STOX1: variants seen among roughly 807,000 people sequenced by gnomAD.
STOX1 encodes the protein storkhead-box protein 1.
In STOX1, 57 loss-of-function variants were observed where a neutral mutation model predicts 74.8. The observed-to-expected ratio is 0.76, with a 90% CI of 0.62 to 0.95. STOX1 has a LOEUF of 0.95. Ranked by LOEUF, STOX1 falls within the 40% of genes least tolerant of loss-of-function variation. The pLI is 0.00. For synonymous variants in STOX1, 375 were observed against 401.3 expected, an observed-to-expected ratio of 0.93 and a Z score of 0.78; for missense variants, 1,010 against 1,117.0, an observed-to-expected ratio of 0.90 and a Z score of 1.37.
At chr10:68,843,535 G>T (rs758525129) in intron 1 of STOX1, among the ~76,000 whole-genome samples, 2 of 151,698 alleles carry the variant, frequency 1.3e-5, no homozygotes, top group Non-Finnish European at 2.9e-5. Flanking sequence ...TTTGTTACCG[G>T]TTTTTTTGTT....
In STOX1 at chr10:68,885,527, C is replaced by T. The variant is rs1362359565; in HGVS notation, c.1731C>T (p.Asp577=). ...CTACTGTCAAACCCATCAATGATGA[C>T]TTCAGAGGTCACCTCTTCAGTCACC... ...NDPTVKPIND[D]FRGHLFSHPQ... Residue 577 remains aspartate, a synonymous_variant, in exon 3 of 4, where the codon GAC becomes GAT. Coordinates refer to ENST00000298596, the MANE Select transcript of STOX1 (RefSeq NM_152709.5). 6.2e-7 allele frequency: 1 copy of T among 1,614,220 alleles called. No individual in the cohort carries two copies. The highest frequency in any genetic ancestry group is 1.7e-5 in the Admixed American group (1 of 60,024).
chr10:68,846,070 T>C (rs1024831402), intron 1 of STOX1, among the ~76,000 whole-genome samples: 2 of 151,480 alleles, frequency 1.3e-5, no homozygotes, highest in African/African-American at 4.8e-5. Context: ...AAATCTATAA[T>C]GCATTTCATG....
In STOX1 at chr10:68,884,813, T is replaced by G; in HGVS notation, c.1017T>G (p.Pro339=). ...GCAGTTTCTCTGCTCAGTTCCCACC[T>G]GAAGAATGGCCCGTCCGAGATGAAG... The part of the protein sequence containing the change: ...EHSSFSAQFP[P]EEWPVRDEDD... Residue 339 remains proline, a synonymous_variant, in exon 3 of 4, where the codon CCT becomes CCG. Transcript: ENST00000298596. 1 of 1,614,194 alleles carries G rather than the reference T, an allele frequency of 6.2e-7. No individual in the cohort carries two copies. Among genetic ancestry groups the G allele is most frequent in the South Asian group, 1.1e-5 (1 of 91,082 alleles).
intron 1 of STOX1, among the ~76,000 whole-genome samples, chr10:68,841,552 C>T (rs1564570737): frequency 6.6e-6 from 1 of 151,972 alleles, no homozygotes; most frequent in Non-Finnish European, 1.5e-5. Flanking sequence ...TTTCTTAAGT[C>T]ATTAAAAAAA....
intron 1 of STOX1, among the ~76,000 whole-genome samples, chr10:68,877,977 A>G (rs984104555): frequency 5.3e-5 from 8 of 152,150 alleles, no homozygotes; most frequent in African/African-American, 1.7e-4. Context: ...GCCTTGGGGA[A>G]GAAGGATTCT....
At chr10:68,840,541 G>T (rs1839666100) in intron 1 of STOX1, among the ~76,000 whole-genome samples, 1 of 105,932 alleles carries the variant, frequency 9.4e-6, no homozygotes, top group Admixed American at 1.1e-4. Flanking sequence ...ATTAACAGTG[G>T]TTATTTTGTT....
At chr10:68,847,039 C>G (rs1346861931) in intron 1 of STOX1, 3 of 152,174 alleles carry the variant, frequency 2.0e-5, no homozygotes, top group Non-Finnish European at 4.4e-5. Flanking sequence ...AATTCTGTTA[C>G]AAATGTACCT....
rs1840918592 is a variant in STOX1 at position 68,885,369 on chromosome 10, G to A, written c.1573G>A (p.Gly525Arg). Residue 525 changes from glycine to arginine, a missense_variant, in exon 3 of 4, where the codon GGA becomes AGA. Coordinates refer to ENST00000298596, the MANE Select transcript of STOX1 (RefSeq NM_152709.5). ...GAGTGATCTGAAACCCAGCCAGACT[G>A]GACCAAAGGAAAAGCCTTTCCAAAA... The part of the protein sequence containing the change: ...KTSDLKPSQT[G>R]PKEKPFQKPR... The A allele has an allele frequency of 1.2e-6, 2 of 1,614,010 alleles. No homozygotes were observed. Among genetic ancestry groups the A allele is most frequent in the East Asian group, 2.2e-5 (1 of 44,894 alleles).
At chr10:68,883,758 C>CTTTTTTTTTT (rs71028801) in intron 2 of STOX1, among the ~76,000 whole-genome samples, 4 of 85,536 alleles carry the variant, frequency 4.7e-5, no homozygotes, top group Non-Finnish European at 6.5e-5. Flanking sequence ...GCTTCTTTGG[C>CTTTTTTTTTT]TTTTTTTTTT....
chr10:68,850,539 G>A (rs1403387090), intron 1 of STOX1, among the ~76,000 whole-genome samples: 1 of 152,202 alleles, frequency 6.6e-6, no homozygotes, highest in Non-Finnish European at 1.5e-5. Context: ...TCAAACCAGG[G>A]CACTTTGCAA....
chr10:68,851,434 C>A (rs758749895), intron 1 of STOX1, among the ~76,000 whole-genome samples: 18 of 151,978 alleles, frequency 1.2e-4, no homozygotes, highest in Non-Finnish European at 2.6e-4. Context: ...TAAAAAAAAT[C>A]ATTAAACTTA....
At chr10:68,845,563 C>T (rs531627853) in intron 1 of STOX1, among the ~76,000 whole-genome samples, 31 of 151,618 alleles carry the variant, frequency 2.0e-4, no homozygotes, top group Non-Finnish European at 2.4e-4. Context: ...CATGAGCCAC[C>T]GCGCCCGGCA....
intron 1 of STOX1, chr10:68,828,417 C>A: frequency 1.8e-6 from 1 of 544,792 alleles, no homozygotes; most frequent in Non-Finnish European, 2.6e-6. Context: ...GCGGCCGGTC[C>A]GGGGGGCCAA....
intron 2 of STOX1, 56 bp downstream of exon 2, chr10:68,882,166 T>G: frequency 6.5e-7 from 1 of 1,540,606 alleles, no homozygotes; most frequent in Non-Finnish European, 9.0e-7. Context: ...TGGTTTCTAT[T>G]TATAATTAGT....
chr10:68,836,636 G>C (rs1839561910), intron 1 of STOX1, among the ~76,000 whole-genome samples: 1 of 152,172 alleles, frequency 6.6e-6, no homozygotes, highest in South Asian at 2.1e-4. Flanking sequence ...GGATTCTGAT[G>C]CCTGAGTTTG....
chr10:68,828,760 G>GTGGTCTT lies in STOX1; in HGVS notation c.310+828_310+834dup, dbSNP rs561545829. 2.0e-5 allele frequency among the ~76,000 whole-genome samples: 3 copies of GTGGTCTT among 152,256 alleles called. No homozygotes were observed. The South Asian group carries it at 6.2e-4, about 32-fold the overall frequency. On this transcript the variant is annotated intron_variant, in intron 1 of 3. Transcript: ENST00000298596. Reference sequence around the variant, plus strand: ...TCTGGTTTTCATGTTCTGCAGTGTGGTGGTCTTGGGTCGGGACCTAGCAGC... The same window carrying GTGGTCTT: ...TCTGGTTTTCATGTTCTGCAGTGTGGTGGTCTTTGGTCTTGGGTCGGGACCTAGCAGC...
intron 1 of STOX1, among the ~76,000 whole-genome samples, chr10:68,867,227 G>A (rs1840433038): frequency 6.6e-6 from 1 of 152,160 alleles, no homozygotes; most frequent in Non-Finnish European, 1.5e-5. Context: ...TTACAGGTGT[G>A]AGCCACCGTG....
chr10:68,829,485 C>T (rs1399328139), intron 1 of STOX1, among the ~76,000 whole-genome samples: 2 of 152,012 alleles, frequency 1.3e-5, no homozygotes, highest in Non-Finnish European at 2.9e-5. Flanking sequence ...CCATTGCACT[C>T]CAGCCTGGGT....
At chr10:68,855,036 T>G (rs1053450704) in intron 1 of STOX1, among the ~76,000 whole-genome samples, 1 of 152,010 alleles carries the variant, frequency 6.6e-6, no homozygotes, top group African/African-American at 2.4e-5. Flanking sequence ...GAGGATCCCT[T>G]GAACCTAGGA....
Sources: allele counts gnomAD v4.1 joint callset (sites outside exome capture counted in the v4.1 genomes callset), GRCh38; gene constraint gnomAD v4.1.1; transcripts MANE v1.5; gene names NCBI Gene and HGNC (gene_info 2026-07-23, HGNC 2026-07-21).